Variants in FOXF2 observed in about 807,000 individuals in gnomAD.
FOXF2 encodes the protein forkhead box protein F2.
In FOXF2, 15 loss-of-function variants were observed where a neutral mutation model predicts 29.1. That is an observed-to-expected ratio of 0.52 (90% CI 0.35 to 0.79). The LOEUF (loss-of-function observed/expected upper bound fraction) is 0.79, where lower values mean the gene tolerates loss of function less well. Ranked by LOEUF, FOXF2 falls within the 30% of genes least tolerant of loss-of-function variation. The pLI is 0.01. For missense variants in FOXF2, 675 were observed against 667.1 expected (o/e 1.01, Z -0.13); for synonymous variants, 337 against 316.5 (o/e 1.06, Z -0.69).
intron 1 of FOXF2, among the ~76,000 whole-genome samples, chr6:1,392,156 G>A (rs1245132416): frequency 6.6e-6 from 1 of 152,106 alleles, no homozygotes; most frequent in East Asian, 1.9e-4. Flanking sequence ...TTCCTGAGCC[G>A]GTGTGCAGCG....
Position 1,390,240 on chromosome 6 carries a change from C to G in FOXF2, c.293C>G (p.Pro98Arg). The change falls in exon 1 of 2, where the codon CCC becomes CGC. Residue 98 changes from proline to arginine, a missense_variant. Pro to Arg is a moderately radical substitution (Grantham distance 103). Around this residue, in one of 3 missense-constraint regions of FOXF2, gnomAD observed 220 missense variants for 205.5 expected, o/e 1.07. Transcript: ENST00000645481. This position sits in a 1 kb window ranked among gnomAD's most constrained non-coding sequence, Gnocchi z 8.5. ...AKKASSGLRR[P>R]EKPPYSYIAL... ...AAGGCGAGCTCGGGGCTGCGGCGGC[C>G]CGAGAAGCCGCCCTACTCGTACATC... The G allele has an allele frequency of 1.2e-6, 2 of 1,603,666 alleles. No homozygotes were observed. Among genetic ancestry groups the G allele is most frequent in the Non-Finnish European group, 1.7e-6 (2 of 1,177,126 alleles).
chr6:1,391,038 C>A lies in FOXF2; in HGVS notation c.1091C>A (p.Ser364Ter). ...ACGCCCAGCAGCAACCCCGCCGCCT[C>A]GGCAGGCCTGCACTCCAGCATGTCC... ...ALTPSSNPAA[S>*]AGLHSSMSSY... Residue 364 changes from serine (S) to a stop codon, truncating the protein, a stop_gained, in exon 1 of 2, where the codon TCG (serine) becomes TAG (stop). Coordinates refer to ENST00000645481, the MANE Select transcript of FOXF2 (RefSeq NM_001452.2). LOFTEE classifies it high-confidence loss of function. 6.2e-7 allele frequency: 1 copy of A among 1,600,990 alleles called. No homozygotes were observed. The highest frequency in any genetic ancestry group is 8.5e-7 in the Non-Finnish European group (1 of 1,178,482).
At chr6:1,391,841 T>C (rs1272993892) in intron 1 of FOXF2, among the ~76,000 whole-genome samples, 1 of 152,156 alleles carries the variant, frequency 6.6e-6, no homozygotes, top group Non-Finnish European at 1.5e-5. Flanking sequence ...GCCCTGTGGA[T>C]GCCACTTGTA....
At chr6:1,391,155 A>ACC in intron 1 of FOXF2, 37 bp downstream of exon 1, 1 of 1,596,032 alleles carries the variant, frequency 6.3e-7, no homozygotes, top group Non-Finnish European at 8.5e-7. Context: ...AGCTGGGCGC[A>ACC]CCGCTTCTAG....
Position 1,395,129 on chromosome 6 carries a change from G to A in FOXF2, c.*270G>A, listed in dbSNP as rs746451374. 3.5e-5 allele frequency: 18 copies of A among 520,132 alleles called. No homozygotes were observed. Among genetic ancestry groups the A allele is most frequent in the Non-Finnish European group, 6.3e-5 (18 of 286,598 alleles). 32.2% of individuals were successfully genotyped at this position (520,132 alleles called of 1,614,324 possible). A position where few individuals can be genotyped will look rare whatever the true frequency, so the allele number is the denominator to read the frequency against. On this transcript the variant is annotated 3_prime_UTR_variant, in exon 2 of 2. Transcript: ENST00000645481. ...AGACTCAGGTGGGAAGATGTGCCAT[G>A]CGTAAGGCATCAACGTGTATCTGTG...
chr6:1,391,226 T>G (rs1451336489), intron 1 of FOXF2, 108 bp downstream of exon 1: 12 of 1,539,336 alleles, frequency 7.8e-6, no homozygotes, highest in Non-Finnish European at 7.8e-6. Context: ...CTAGGAGGTC[T>G]GAGGGCACTG....
chr6:1,393,949 C>T (rs1758849468), intron 1 of FOXF2, among the ~76,000 whole-genome samples: 1 of 152,176 alleles, frequency 6.6e-6, no homozygotes, highest in African/African-American at 2.4e-5. Flanking sequence ...GAGCAGGGTC[C>T]AGGCCTTCTC....
Position 1,390,462 on chromosome 6 carries a change from A to G in FOXF2, c.515A>G (p.His172Arg), listed in dbSNP as rs1386432336. 1 of 1,612,054 alleles carries G rather than the reference A, an allele frequency of 6.2e-7. No homozygotes were observed. The highest frequency in any genetic ancestry group is 8.5e-7 in the Non-Finnish European group (1 of 1,179,862). Residue 172 changes from histidine (H) to arginine (R), a missense_variant, in exon 1 of 2, where the codon CAC becomes CGC. Around this residue, in one of 3 missense-constraint regions of FOXF2, gnomAD observed 451 missense variants for 437.2 expected, o/e 1.03. Transcript: ENST00000645481. This position sits in a 1 kb window ranked among gnomAD's most constrained non-coding sequence, Gnocchi z 8.5. ...GGCCTCGGGCGGCCCGGCAAGGGCCACTACTGGACCATCGACCCGGCCAGC... is the reference window on the plus strand; with the variant it reads ...GGCCTCGGGCGGCCCGGCAAGGGCCGCTACTGGACCATCGACCCGGCCAGC... ...PKGLGRPGKGHYWTIDPASEF... is the reference protein window; with the variant it reads ...PKGLGRPGKGRYWTIDPASEF...
rs1051419177 is a variant in FOXF2 at position 1,390,207 on chromosome 6, G to A, written c.260G>A (p.Gly87Asp). 13 of 1,531,370 alleles carry A rather than the reference G, an allele frequency of 8.5e-6. No individual in the cohort carries two copies. The highest frequency in any genetic ancestry group is 5.1e-5 in the East Asian group (2 of 39,534). The allele number at this position is 1,531,370 out of a possible 1,614,324, so 94.9% of individuals were successfully genotyped here. ...GGCGGCGCGGGCGCCGGGAGCGGGGGCGCCAAGAAGGCGAGCTCGGGGCTG... is the reference window on the plus strand; with the variant it reads ...GGCGGCGCGGGCGCCGGGAGCGGGGACGCCAAGAAGGCGAGCTCGGGGCTG... Reference protein sequence around the residue: ...GGGGAGAGSGGAKKASSGLRR... With the variant: ...GGGGAGAGSGDAKKASSGLRR... Residue 87 changes from glycine to aspartate, a missense_variant, in exon 1 of 2, where the codon GGC becomes GAC. Around this residue, in one of 3 missense-constraint regions of FOXF2, gnomAD observed 220 missense variants for 205.5 expected, o/e 1.07. Transcript: ENST00000645481. The surrounding 1 kb of genome is among the most constrained non-coding windows in gnomAD (Gnocchi z 8.5).
At chr6:1,394,556 C>A in intron 1 of FOXF2, 140 bp from the exon 2 acceptor site, 1 of 756,038 alleles carries the variant, frequency 1.3e-6, no homozygotes, top group Non-Finnish European at 2.3e-6. Flanking sequence ...ACTTCTAAAG[C>A]TGGGCTTTCT....
chr6:1,394,731 G>A lies in FOXF2; in HGVS notation c.1207G>A (p.Val403Met), dbSNP rs932983912. The change falls in exon 2 of 2, where the codon GTG becomes ATG. Residue 403 changes from valine to methionine, a missense_variant. Transcript: ENST00000645481. ...LPRYQHHSTPVCDRKDFVLNF... is the reference protein window; with the variant it reads ...LPRYQHHSTPMCDRKDFVLNF... ...CCGTTACCAGCATCACTCTACTCCA[G>A]TGTGTGACAGAAAAGATTTCGTCCT... 6.2e-7 allele frequency: 1 copy of A among 1,613,922 alleles called. No homozygotes were observed. Among genetic ancestry groups the A allele is most frequent in the African/African-American group, 1.3e-5 (1 of 74,882 alleles).
rs747033801 is a variant in FOXF2, at chr6:1,390,041, CCCGCCG to C, written c.118_123del (p.Ala40_Ala41del). On this transcript the variant is annotated inframe_deletion, in exon 1 of 2. Transcript: ENST00000645481. This position sits in a 1 kb window ranked among gnomAD's most constrained non-coding sequence, Gnocchi z 8.5. ...CCAGGCCGCCCTGATGAGCCCGCCGCCCGCCGCCGCCGCCGCCGCCGCCGCCGCCCC... is the reference window on the plus strand; with the variant it reads ...CCAGGCCGCCCTGATGAGCCCGCCGCCCGCCGCCGCCGCCGCCGCCGCCCC... 1.4e-3 allele frequency: 1,847 copies of C among 1,352,428 alleles called. 3 individuals carry two copies. The highest frequency in any genetic ancestry group is 5.6e-3 in the African/African-American group (360 of 64,522). 83.8% of individuals were successfully genotyped at this position (1,352,428 alleles called of 1,614,324 possible).
intron 1 of FOXF2, among the ~76,000 whole-genome samples, chr6:1,392,458 A>ACACACACACACACACACACACC (rs1758808477): frequency 5.3e-5 from 8 of 150,968 alleles, no homozygotes; most frequent in Admixed American, 2.0e-4. Context: ...ACACACACAC[A>ACACACACACACACACACACACC]CACACACACA....
At chr6:1,392,977 C>T (rs1279126783) in intron 1 of FOXF2, among the ~76,000 whole-genome samples, 4 of 152,214 alleles carry the variant, frequency 2.6e-5, no homozygotes, top group African/African-American at 9.6e-5. Flanking sequence ...CCACCCGGCC[C>T]TGTTGCCATC....
rs1303466679 is a variant in FOXF2, at chr6:1,389,926, C to T, written c.-22C>T. On this transcript the variant is annotated 5_prime_UTR_variant, in exon 1 of 2. Transcript: ENST00000645481. ...CCGCCCGGGGCCCGCCCTCGCGGCC[C>T]GGCCTCGCTCCCGGGTCCCAGATGA... 1.3e-5 allele frequency: 12 copies of T among 938,796 alleles called. No individual in the cohort carries two copies. The highest frequency in any genetic ancestry group is 1.5e-5 in the Non-Finnish European group (12 of 789,428). The allele number at this position is 938,796 out of a possible 1,614,324, so 58.2% of individuals were successfully genotyped here.
chr6:1,389,994 G>A lies in FOXF2; in HGVS notation c.47G>A (p.Cys16Tyr). ...GPPPAPLRRA[C>Y]SPVPGALQAA... ...CCGCCGGCCCCGCTCCGCCGCGCGTGCAGCCCGGTCCCCGGCGCGCTCCAG... is the reference window on the plus strand; with the variant it reads ...CCGCCGGCCCCGCTCCGCCGCGCGTACAGCCCGGTCCCCGGCGCGCTCCAG... Residue 16 changes from cysteine (C) to tyrosine (Y), a missense_variant, in exon 1 of 2, where the codon TGC becomes TAC. Cys to Tyr is a radical substitution (Grantham distance 194). Coordinates refer to ENST00000645481, the MANE Select transcript of FOXF2 (RefSeq NM_001452.2). 9.5e-7 allele frequency: 1 copy of A among 1,056,052 alleles called. No individual in the cohort carries two copies. Among genetic ancestry groups the A allele is most frequent in the Non-Finnish European group, 1.1e-6 (1 of 880,304 alleles). The allele number at this position is 1,056,052 out of a possible 1,614,324, so 65.4% of individuals were successfully genotyped here.
intron 1 of FOXF2, among the ~76,000 whole-genome samples, chr6:1,392,020 C>T (rs1041387907): frequency 6.6e-6 from 1 of 152,170 alleles, no homozygotes; most frequent in Non-Finnish European, 1.5e-5. Context: ...TCGCTCGGAG[C>T]ACCTAGGGCT....
At chr6:1,392,570 G>C (rs115848658) in intron 1 of FOXF2, among the ~76,000 whole-genome samples, 1 of 151,296 alleles carries the variant, frequency 6.6e-6, no homozygotes, top group South Asian at 2.1e-4. Context: ...CTCCTCTCCC[G>C]GCAGATCCAC....
chr6:1,391,672 T>C (rs1758789751), intron 1 of FOXF2, among the ~76,000 whole-genome samples: 2 of 152,050 alleles, frequency 1.3e-5, no homozygotes. Context: ...GATCTTTCAC[T>C]AAAGGGACAT....
Sources: gnomAD v4.1 joint callset for allele counts (sites outside exome capture counted in the v4.1 genomes callset) on GRCh38, gnomAD v4.1.1 for gene constraint, gnomAD v4.1.1 regional missense constraint, Gnocchi (gnomAD v3.1) non-coding constraint, MANE v1.5 for transcripts, NCBI Gene and HGNC (gene_info 2026-07-23, HGNC 2026-07-21) for gene names.